The following PEX13 variants were observed in gnomAD, a reference collection of about 807,000 sequenced individuals.
PEX13 encodes the protein peroxisome biogenesis factor 13.
A neutral mutation model predicts 34.5 loss-of-function variants in PEX13; 28 were observed. The observed-to-expected ratio is 0.81, with a 90% confidence interval of 0.60 to 1.11. The LOEUF (loss-of-function observed/expected upper bound fraction) is 1.11, where lower values mean the gene tolerates loss of function less well. PEX13 is among the 50% of genes most tolerant of loss of function. The pLI is 0.00. For missense variants in PEX13, 550 were observed against 491.0 expected (o/e 1.12, Z -1.13); for synonymous variants, 177 against 175.1 (o/e 1.01, Z -0.09).
At chr2:61,042,523 A>T (rs762564693) in intron 2 of PEX13, among the ~76,000 whole-genome samples, 1 of 152,212 alleles carries the variant, frequency 6.6e-6, no homozygotes, top group Non-Finnish European at 1.5e-5. Flanking sequence ...TGTATTTATT[A>T]TACAATGACA....
At chr2:61,046,250 C>T (rs1680703267) in intron 3 of PEX13, among the ~76,000 whole-genome samples, 1 of 152,194 alleles carries the variant, frequency 6.6e-6, no homozygotes, top group Non-Finnish European at 1.5e-5. Context: ...TTTATTACTT[C>T]AGCAGTGTTT....
chr2:61,043,361 C>CA (rs1157575066), intron 2 of PEX13, among the ~76,000 whole-genome samples: 241 of 139,586 alleles, frequency 1.7e-3, no homozygotes, highest in Non-Finnish European at 3.1e-3. Flanking sequence ...AACAAATTTT[C>CA]AAAAAAAAGA....
At chr2:61,030,820 G>A (rs1046869288) in intron 1 of PEX13, among the ~76,000 whole-genome samples, 19 of 152,082 alleles carry the variant, frequency 1.2e-4, no homozygotes, top group East Asian at 1.2e-3. Flanking sequence ...TAGACAAACC[G>A]AGGGACAGAA....
rs943892127 is a variant in PEX13, at chr2:61,051,815, A to T, written c.*3045A>T. 5.9e-5 allele frequency: 9 copies of T among 152,354 alleles called. No homozygotes were observed. The highest frequency in any genetic ancestry group is 1.2e-4 in the Non-Finnish European group (8 of 68,026). 9.4% of individuals were successfully genotyped at this position (152,354 alleles called of 1,614,324 possible). A position where few individuals can be genotyped will look rare whatever the true frequency, so the allele number is the denominator to read the frequency against. On this transcript the variant is annotated 3_prime_UTR_variant, in exon 4 of 4. Coordinates refer to ENST00000295030, the MANE Select transcript of PEX13 (RefSeq NM_002618.4). ...ATACATTTTCATGTTTTAACATTTT[A>T]TGTACGTACTTGATTCTGTCTGTGT...
At position 61,034,506 on chromosome 2, in the gene PEX13, C is replaced by T. The variant is rs547730459; in HGVS notation, c.787+2393C>T. ...GGCGAGCTGAAGCAGGGCAGGGCAT[C>T]GCTTCACCCAGGAAGCACAAGGGGT... On this transcript the variant is annotated intron_variant, in intron 2 of 3. Coordinates refer to ENST00000295030, the MANE Select transcript of PEX13 (RefSeq NM_002618.4). Among the ~76,000 whole-genome samples the T allele has an allele frequency of 7.2e-5, 11 of 152,242 alleles. No individual in the cohort carries two copies. In the East Asian group the frequency reaches 1.4e-3, roughly 19 times the overall value.
chr2:61,033,667 CAG>C (rs1335401569), intron 2 of PEX13, among the ~76,000 whole-genome samples: 2 of 152,090 alleles, frequency 1.3e-5, no homozygotes, highest in Admixed American at 1.3e-4. Context: ...GGAGGAGGAA[CAG>C]GGGTTGCAGT....
intron 2 of PEX13, among the ~76,000 whole-genome samples, chr2:61,040,876 G>T (rs1005125329): frequency 1.2e-4 from 18 of 147,062 alleles, no homozygotes; most frequent in African/African-American, 3.7e-4. Flanking sequence ...TATAAAAAAG[G>T]TATATATATA....
intron 2 of PEX13, among the ~76,000 whole-genome samples, chr2:61,042,560 A>G (rs1015256660): frequency 6.6e-6 from 1 of 152,336 alleles, no homozygotes; most frequent in South Asian, 2.1e-4. Flanking sequence ...TGGCTATACT[A>G]CATATCAGCA....
At chr2:61,026,964 A>G (rs1366179792) in intron 1 of PEX13, among the ~76,000 whole-genome samples, 1 of 151,622 alleles carries the variant, frequency 6.6e-6, no homozygotes, top group East Asian at 1.9e-4. Context: ...CTCTCTATCT[A>G]ATAGGTGTCC....
chr2:61,047,881 A>G (rs1463742357), intron 3 of PEX13, among the ~76,000 whole-genome samples: 1 of 152,236 alleles, frequency 6.6e-6, no homozygotes, highest in Non-Finnish European at 1.5e-5. Context: ...AATTGAGTAC[A>G]TTAAATAATC....
At chr2:61,041,312 C>G (rs999406964) in intron 2 of PEX13, among the ~76,000 whole-genome samples, 6 of 151,984 alleles carry the variant, frequency 3.9e-5, no homozygotes, top group African/African-American at 1.5e-4. Flanking sequence ...TTGGGTGACA[C>G]AGCAAGACCC....
At chr2:61,045,689 G>C in intron 2 of PEX13, 37 bp from the exon 3 acceptor site, 1 of 1,601,734 alleles carries the variant, frequency 6.2e-7, no homozygotes, top group Non-Finnish European at 8.6e-7. Flanking sequence ...TTTTTCTTTT[G>C]TAAATTTTAT....
chr2:61,044,351 C>T lies in PEX13; in HGVS notation c.788-1375C>T, dbSNP rs114392934. Among the ~76,000 whole-genome samples, 723 of 152,290 alleles carry T rather than the reference C, an allele frequency of 4.7e-3. 6 individuals are homozygous for T. The highest frequency in any genetic ancestry group is 0.015 in the African/African-American group (637 of 41,560). ...TAGTGCAGTCTCGGCTCACTGCAAC[C>T]TCTGCCTCCCAGGTTCAAGCGATTC... On this transcript the variant is annotated intron_variant, in intron 2 of 3. Coordinates refer to ENST00000295030, the MANE Select transcript of PEX13 (RefSeq NM_002618.4).
intron 2 of PEX13, among the ~76,000 whole-genome samples, chr2:61,044,710 A>C (rs1308509749): frequency 6.6e-6 from 1 of 152,198 alleles, no homozygotes; most frequent in Non-Finnish European, 1.5e-5. Context: ...ATTCAAACGG[A>C]AACCACAAAG....
rs1680785808 is a variant in PEX13 at position 61,050,866 on chromosome 2, C to T, written c.*2096C>T. 6.6e-6 allele frequency: 1 copy of T among 152,264 alleles called. No individual in the cohort carries two copies. Among genetic ancestry groups the T allele is most frequent in the Non-Finnish European group, 1.5e-5 (1 of 68,092 alleles). 9.4% of individuals were successfully genotyped at this position (152,264 alleles called of 1,614,324 possible). A position where few individuals can be genotyped will look rare whatever the true frequency, so the allele number is the denominator to read the frequency against. ...TCCATCTCCTGACCTCGTGATGAGC[C>T]CGCTTCGGTCTCCCAAAGTGTTGGG... On this transcript the variant is annotated 3_prime_UTR_variant, in exon 4 of 4. Coordinates refer to ENST00000295030, the MANE Select transcript of PEX13 (RefSeq NM_002618.4).
chr2:61,049,197 A>ATTT lies in PEX13; in HGVS notation c.*440_*442dup. Reference sequence around the variant, plus strand: ...CAGTATGAGAACAGGCAAAAGGTAAATTTTTTTTTTTTTTTACAACCTTAA... The same window carrying ATTT: ...CAGTATGAGAACAGGCAAAAGGTAAATTTTTTTTTTTTTTTTTTACAACCTTAA... On this transcript the variant is annotated 3_prime_UTR_variant, in exon 4 of 4. Transcript: ENST00000295030. 1.3e-5 allele frequency: 2 copies of ATTT among 150,986 alleles called. No homozygotes were observed. Among genetic ancestry groups the ATTT allele is most frequent in the Non-Finnish European group, 1.4e-5 (1 of 69,084 alleles). 9.4% of individuals were successfully genotyped at this position (150,986 alleles called of 1,614,324 possible).
At chr2:61,039,898 A>G (rs1680594075) in intron 2 of PEX13, among the ~76,000 whole-genome samples, 1 of 152,200 alleles carries the variant, frequency 6.6e-6, no homozygotes, top group Non-Finnish European at 1.5e-5. Context: ...ATTTACAAGA[A>G]AAAAAACAAC....
At chr2:61,040,371 T>C (rs975350021) in intron 2 of PEX13, among the ~76,000 whole-genome samples, 1 of 151,858 alleles carries the variant, frequency 6.6e-6, no homozygotes, top group Non-Finnish European at 1.5e-5. Context: ...ATTAAGAAAA[T>C]GTGGCACATA....
intron 2 of PEX13, among the ~76,000 whole-genome samples, chr2:61,034,401 C>G (rs530633933): frequency 2.0e-5 from 3 of 152,330 alleles, no homozygotes; most frequent in Non-Finnish European, 4.4e-5. Context: ...ACGCAGAAGG[C>G]GGGTGATATC....
Sources: allele counts gnomAD v4.1 joint callset (sites outside exome capture counted in the v4.1 genomes callset), GRCh38; gene constraint gnomAD v4.1.1; transcripts MANE v1.5; gene names NCBI Gene and HGNC (gene_info 2026-07-23, HGNC 2026-07-21).